Variants in CLEC16A observed in about 807,000 individuals in gnomAD.
CLEC16A encodes the protein protein CLEC16A.
A neutral mutation model predicts 109.5 loss-of-function variants in CLEC16A; 51 were observed. The ratio of observed to expected loss-of-function variants is 0.47; its 90% CI spans 0.37 to 0.59. The LOEUF (loss-of-function observed/expected upper bound fraction) is 0.59. Ranked by LOEUF, CLEC16A falls within the 20% of genes least tolerant of loss-of-function variation. CLEC16A has a pLI of 0.00. For synonymous variants in CLEC16A, 673 were observed against 564.2 expected (o/e 1.19, Z -2.73); for missense variants, 1,339 against 1,394.0 (o/e 0.96, Z 0.63).
intron 13 of CLEC16A, among the ~76,000 whole-genome samples, chr16:11,038,559 A>T (rs2047150157): frequency 6.6e-6 from 1 of 152,176 alleles, no homozygotes; most frequent in South Asian, 2.1e-4. Flanking sequence ...AGGAGAAATG[A>T]CAACAGGGCT....
chr16:10,951,406 G>T (rs1247747422), intron 1 of CLEC16A, among the ~76,000 whole-genome samples: 2 of 151,948 alleles, frequency 1.3e-5, no homozygotes, highest in East Asian at 3.8e-4. Context: ...TTTATTTTTT[G>T]TGTGTTAGGC....
At chr16:11,007,784 A>G (rs1193087737) in intron 11 of CLEC16A, among the ~76,000 whole-genome samples, 1 of 151,994 alleles carries the variant, frequency 6.6e-6, no homozygotes, top group Non-Finnish European at 1.5e-5. Flanking sequence ...GCAGGTGAGT[A>G]TGTGTGTGAG....
intron 13 of CLEC16A, among the ~76,000 whole-genome samples, chr16:11,028,870 A>G (rs906433543): frequency 1.3e-5 from 2 of 152,244 alleles, no homozygotes; most frequent in Non-Finnish European, 2.9e-5. Flanking sequence ...GTAAATTTTA[A>G]CATATGAGGT....
chr16:11,013,234 G>A (rs1208055216), intron 11 of CLEC16A, among the ~76,000 whole-genome samples: 1 of 152,192 alleles, frequency 6.6e-6, no homozygotes, highest in East Asian at 1.9e-4. Context: ...ATGAAATGAT[G>A]TTATTCAAAG....
At chr16:11,095,104 T>C (rs1460433319) in intron 19 of CLEC16A, among the ~76,000 whole-genome samples, 3 of 152,040 alleles carry the variant, frequency 2.0e-5, no homozygotes, top group African/African-American at 7.2e-5. Flanking sequence ...TTTTTTTTTT[T>C]AAGTGGGTAG....
At chr16:11,114,128 CGTGTGTGTGTGTGTGTGTGTGTGTGTGT>C (rs3030600) in intron 19 of CLEC16A, among the ~76,000 whole-genome samples, 16 of 127,324 alleles carry the variant, frequency 1.3e-4, no homozygotes, top group African/African-American at 2.1e-4. Flanking sequence ...TGAGGATGGC[CGTGTGTGTGTGTGTGTGTGTGTGTGTGT>C]GTGTGTGTGT....
At chr16:11,002,502 GTT>G (rs2044726410) in intron 10 of CLEC16A, among the ~76,000 whole-genome samples, 1 of 152,192 alleles carries the variant, frequency 6.6e-6, no homozygotes, top group Non-Finnish European at 1.5e-5. Context: ...ATTAAAATAT[GTT>G]TTTATTGTCT....
intron 12 of CLEC16A, among the ~76,000 whole-genome samples, chr16:11,021,017 C>T (rs954857644): frequency 7.2e-5 from 11 of 152,214 alleles, no homozygotes; most frequent in Non-Finnish European, 1.5e-4. Context: ...CTGCAACAGC[C>T]TCCTGATTAG....
chr16:11,149,099 A>G (rs1006365943), intron 22 of CLEC16A, among the ~76,000 whole-genome samples: 2 of 152,246 alleles, frequency 1.3e-5, no homozygotes, highest in African/African-American at 2.4e-5. Flanking sequence ...CAAAGTGGCC[A>G]GTATGTTAGC....
intron 19 of CLEC16A, among the ~76,000 whole-genome samples, chr16:11,102,919 C>T (rs761470595): frequency 1.3e-5 from 2 of 152,140 alleles, no homozygotes; most frequent in Non-Finnish European, 2.9e-5. Flanking sequence ...AGAGGGGAGA[C>T]GGCAACAAGC....
In CLEC16A at chr16:11,026,888, CTA is replaced by C. The variant is rs2046435641; in HGVS notation, c.1537+1969_1537+1970del. 5 of 734,930 alleles carry C rather than the reference CTA, an allele frequency of 6.8e-6. No homozygotes were observed. In the Admixed American group the frequency reaches 1.2e-4, roughly 18 times the overall value. 45.5% of individuals were successfully genotyped at this position (734,930 alleles called of 1,614,324 possible). The stretch of plus-strand genomic sequence containing the variant: ...GGGTTAGCAGGACCTCAATGGCTCA[CTA>C]TGGCTAAGTGAACGCTGACTGGGTC... On this transcript the variant is annotated intron_variant, in intron 13 of 23. Coordinates refer to ENST00000409790, the MANE Select transcript of CLEC16A (RefSeq NM_015226.3).
chr16:10,971,308 A>C, intron 5 of CLEC16A, 78 bp downstream of exon 5: 1 of 1,061,844 alleles, frequency 9.4e-7, no homozygotes, highest in South Asian at 1.4e-5. Context: ...GTGTGCGTAC[A>C]GTTCTCCGAT....
At chr16:10,974,466 G>A (rs959694138) in intron 7 of CLEC16A, among the ~76,000 whole-genome samples, 1 of 152,146 alleles carries the variant, frequency 6.6e-6, no homozygotes, top group Non-Finnish European at 1.5e-5. Flanking sequence ...CATTGTTGGG[G>A]GGGCTGTCCT....
At chr16:11,043,155 A>G (rs2047443178) in intron 15 of CLEC16A, among the ~76,000 whole-genome samples, 1 of 152,194 alleles carries the variant, frequency 6.6e-6, no homozygotes, top group African/African-American at 2.4e-5. Context: ...GCAGTGGCTC[A>G]TGCATGTAAT....
intron 22 of CLEC16A, among the ~76,000 whole-genome samples, chr16:11,148,968 G>GA (rs918301078): frequency 6.6e-6 from 1 of 152,142 alleles, no homozygotes; most frequent in Non-Finnish European, 1.5e-5. Flanking sequence ...TGAAAGGGAA[G>GA]AAAAAACTAA....
intron 9 of CLEC16A, among the ~76,000 whole-genome samples, chr16:10,981,947 G>A (rs763264268): frequency 6.6e-6 from 1 of 152,214 alleles, no homozygotes; most frequent in Non-Finnish European, 1.5e-5. Context: ...CTGCTCACCA[G>A]CCTGCAGTGT....
intron 18 of CLEC16A, chr16:11,057,082 A>C (rs1030474910): frequency 6.5e-6 from 1 of 154,302 alleles, no homozygotes; most frequent in Non-Finnish European, 1.5e-5. Context: ...TCTTTAGGAT[A>C]AGTTCCCAGA....
intron 14 of CLEC16A, 183 bp from the exon 15 acceptor site, chr16:11,042,071 A>G: frequency 1.8e-6 from 1 of 568,960 alleles, no homozygotes; most frequent in Admixed American, 3.1e-5. Context: ...AGAACATTGA[A>G]TTCTAACTGA....
chr16:11,103,900 C>T (rs2051067768), intron 19 of CLEC16A, among the ~76,000 whole-genome samples: 1 of 152,218 alleles, frequency 6.6e-6, no homozygotes, highest in African/African-American at 2.4e-5. Flanking sequence ...TGGCCTATGT[C>T]GGAGGAGAAT....
Sources: gnomAD v4.1 joint callset for allele counts (sites outside exome capture counted in the v4.1 genomes callset) on GRCh38, gnomAD v4.1.1 for gene constraint, MANE v1.5 for transcripts, NCBI Gene and HGNC (gene_info 2026-07-23, HGNC 2026-07-21) for gene names.